Variants in OPTN observed in about 807,000 individuals in gnomAD.
The protein encoded by OPTN is E3-14.7K-interacting protein.
In OPTN, 54 loss-of-function variants were observed where a neutral mutation model predicts 70.4. The ratio of observed to expected loss-of-function variants is 0.77; its 90% CI spans 0.62 to 0.96. The LOEUF is 0.96. Among genes scored for constraint, OPTN ranks in the 40% least tolerant of loss-of-function variants. The probability of loss-of-function intolerance (pLI) is 0.00; values close to 1 mark genes in which losing one functional copy is unlikely to be tolerated. For missense variants in OPTN, 624 were observed against 673.2 expected, an observed-to-expected ratio of 0.93 and a Z score of 0.81; for synonymous variants, 256 against 248.5, an observed-to-expected ratio of 1.03 and a Z score of -0.28.
rs1180463094 is a variant in OPTN, at chr10:13,112,647, G to A, written c.552+12G>A. ...AAATTAGGATGGCTGTGAGTTTTTG[G>A]TTTTATTTTTGTTTTGAGCAAACTA... On this transcript the variant is annotated intron_variant, in intron 5 of 14. Transcript: ENST00000378747. The A allele has an allele frequency of 6.2e-7, 1 of 1,613,836 alleles. No homozygotes were observed. Among genetic ancestry groups the A allele is most frequent in the African/African-American group, 1.3e-5 (1 of 74,882 alleles).
chr10:13,125,449 A>T lies in OPTN; in HGVS notation c.1030A>T (p.Ile344Phe), dbSNP rs1833437309. The T allele has an allele frequency of 1.9e-6, 3 of 1,614,052 alleles. No homozygotes were observed. The highest frequency in any genetic ancestry group is 2.7e-5 in the African/African-American group (2 of 74,942). Residue 344 changes from isoleucine to phenylalanine, a missense_variant, in exon 10 of 15, where the codon ATT (isoleucine) becomes TTT (phenylalanine). Coordinates refer to ENST00000378747, the MANE Select transcript of OPTN (RefSeq NM_001008212.2). Reference protein sequence around the residue: ...CQALERKNSAIPSELNEKQEL... With the variant: ...CQALERKNSAFPSELNEKQEL... ...GGCCCTTGAAAGGAAAAATTCTGCA[A>T]TTCCATCAGAGTTGAATGAAAAGCA... is the stretch of plus-strand genomic sequence containing the variant.
At chr10:13,114,693 TTA>T (rs1264568224) in intron 5 of OPTN, among the ~76,000 whole-genome samples, 1 of 142,220 alleles carries the variant, frequency 7.0e-6, no homozygotes, top group African/African-American at 2.6e-5. Flanking sequence ...TGTATTTATA[TTA>T]TATAATGAAT....
chr10:13,120,143 C>T (rs1231116564), intron 7 of OPTN, among the ~76,000 whole-genome samples: 5 of 150,902 alleles, frequency 3.3e-5, no homozygotes, highest in Non-Finnish European at 5.9e-5. Flanking sequence ...CCACCACGCC[C>T]GGCTAATTTT....
intron 13 of OPTN, 114 bp downstream of exon 13, chr10:13,132,311 G>C (rs1833610570): frequency 8.9e-7 from 1 of 1,118,658 alleles, no homozygotes; most frequent in Admixed American, 2.0e-5. Context: ...TCGCGCCACT[G>C]CACTCCTGCC....
intron 5 of OPTN, among the ~76,000 whole-genome samples, chr10:13,114,642 G>GA (rs572668574): frequency 6.7e-4 from 98 of 147,092 alleles, no homozygotes; most frequent in African/African-American, 2.2e-3. Flanking sequence ...CCCAAGCAGA[G>GA]AAAAAATATA....
intron 4 of OPTN, 56 bp from the exon 5 acceptor site, chr10:13,112,397 A>C (rs908260962): frequency 6.4e-7 from 1 of 1,553,214 alleles, no homozygotes; most frequent in East Asian, 2.2e-5. Flanking sequence ...GCATGAGCCC[A>C]TGGTGCCCAG....
intron 4 of OPTN, among the ~76,000 whole-genome samples, chr10:13,110,771 G>C (rs1278897878): frequency 6.6e-6 from 1 of 152,068 alleles, no homozygotes; most frequent in Non-Finnish European, 1.5e-5. Context: ...GGTGCAGATG[G>C]GCCTCTGCCT....
intron 13 of OPTN, among the ~76,000 whole-genome samples, chr10:13,132,851 A>G (rs1262726616): frequency 2.0e-5 from 3 of 152,212 alleles, no homozygotes; most frequent in Non-Finnish European, 4.4e-5. Context: ...TCAGAGAATA[A>G]AATAACAGAC....
intron 14 of OPTN, 44 bp downstream of exon 14, chr10:13,133,625 A>G: frequency 3.9e-6 from 6 of 1,547,132 alleles, no homozygotes; most frequent in Non-Finnish European, 5.4e-6. Context: ...TAGCTATCCT[A>G]TGAAAAAGAT....
chr10:13,115,452 CTATATTATATAATATAGAATA>C (rs1833163673), intron 5 of OPTN, among the ~76,000 whole-genome samples: 2 of 88,318 alleles, frequency 2.3e-5, no homozygotes, highest in African/African-American at 1.3e-4. Flanking sequence ...ATAATATATT[CTATATTATATAATATAGAATA>C]TATATAATAT....
At chr10:13,133,140 T>C (rs1162063993) in intron 13 of OPTN, among the ~76,000 whole-genome samples, 1 of 152,220 alleles carries the variant, frequency 6.6e-6, no homozygotes, top group African/African-American at 2.4e-5. Flanking sequence ...AAATGATCAC[T>C]GTAGGTATTG....
intron 2 of OPTN, 60 bp from the exon 3 acceptor site, chr10:13,109,052 C>G: frequency 6.5e-7 from 1 of 1,528,844 alleles, no homozygotes; most frequent in Non-Finnish European, 9.0e-7. Flanking sequence ...TTGTGGGACT[C>G]CCGGGGACCC....
At chr10:13,124,364 A>G (rs1369316051) in intron 9 of OPTN, among the ~76,000 whole-genome samples, 2 of 152,196 alleles carry the variant, frequency 1.3e-5, no homozygotes, top group African/African-American at 4.8e-5. Context: ...GAGCCTGGGT[A>G]AGATCTCTAC....
intron 5 of OPTN, among the ~76,000 whole-genome samples, chr10:13,114,679 T>C (rs1360896858): frequency 7.0e-6 from 1 of 143,858 alleles, no homozygotes; most frequent in East Asian, 2.0e-4. Flanking sequence ...ATAATAGATA[T>C]ATCTGTATTT....
At position 13,135,354 on chromosome 10, in the gene OPTN, C is replaced by T. The variant is rs75669336; in HGVS notation, c.1613-1391C>T. Among the ~76,000 whole-genome samples, 803 of 152,136 alleles carry T rather than the reference C, an allele frequency of 5.3e-3. 7 individuals are homozygous for T. Among genetic ancestry groups the T allele is most frequent in the African/African-American group, 0.018 (758 of 41,490 alleles). On this transcript the variant is annotated intron_variant, in intron 14 of 14. Coordinates refer to ENST00000378747, the MANE Select transcript of OPTN (RefSeq NM_001008212.2). ...CTTGAACCTCAGTACTACTCCAAAA[C>T]TGGGGGAAATGATAGGGTGCATTCT...
intron 5 of OPTN, among the ~76,000 whole-genome samples, chr10:13,114,814 T>TACGTA (rs1833102379): frequency 1.5e-5 from 1 of 66,690 alleles, no homozygotes; most frequent in African/African-American, 6.6e-5. Context: ...ATATATATAA[T>TACGTA]TATATAATTA....
intron 12 of OPTN, among the ~76,000 whole-genome samples, chr10:13,128,385 A>G (rs1380466785): frequency 6.6e-6 from 1 of 151,364 alleles, no homozygotes; most frequent in African/African-American, 2.4e-5. Context: ...TCTGGAGGGT[A>G]TATAGTGGTA....
chr10:13,136,669 G>A lies in OPTN; in HGVS notation c.1613-76G>A, dbSNP rs541689571. 357 of 1,574,348 alleles carry A rather than the reference G, an allele frequency of 2.3e-4. 3 individuals are homozygous for A. In the African/African-American group the frequency reaches 4.3e-3, roughly 19 times the overall value. On this transcript the variant is annotated intron_variant, in intron 14 of 14. Transcript: ENST00000378747. ...CGAAGTTGAACTGATGTTAAAACTC[G>A]CCATCTGTTCTTCAAGTGAAACAAA...
Position 13,112,452 on chromosome 10 carries a change from G to A in OPTN, c.370-1G>A, listed in dbSNP as rs2131488754. The A allele has an allele frequency of 6.2e-7, 1 of 1,613,928 alleles. No homozygotes were observed. Among genetic ancestry groups the A allele is most frequent in the Non-Finnish European group, 8.5e-7 (1 of 1,179,984 alleles). ...TTCACTTTACTCCTTGTCATCTCCA[G>A]GACCCCACTGATGACTCCAGGCTTC... On this transcript the variant is annotated splice_acceptor_variant, in intron 4 of 14. Transcript: ENST00000378747. LOFTEE classifies it high-confidence loss of function.
Sources: allele counts gnomAD v4.1 joint callset (sites outside exome capture counted in the v4.1 genomes callset), GRCh38; gene constraint gnomAD v4.1.1; transcripts MANE v1.5; gene names NCBI Gene and HGNC (gene_info 2026-07-23, HGNC 2026-07-21).